LRP1B: variants seen among roughly 807,000 people sequenced by gnomAD.
The protein encoded by LRP1B is low-density lipoprotein receptor-related protein 1B.
A neutral mutation model predicts 556.6 loss-of-function variants in LRP1B; 217 were observed. That is an observed-to-expected ratio of 0.39 (90% confidence interval 0.35 to 0.44). LRP1B has a LOEUF of 0.44. Ranked by LOEUF, LRP1B falls within the 20% of genes least tolerant of loss-of-function variation. The probability of loss-of-function intolerance (pLI) is 1.00; values close to 1 mark genes in which losing one functional copy is unlikely to be tolerated. For missense variants in LRP1B, 5,053 were observed against 5,620.8 expected (o/e 0.90, Z 3.23); for synonymous variants, 2,047 against 1,865.8 (o/e 1.10, Z -2.50).
chr2:141,929,661 G>T (rs1214203767), intron 1 of LRP1B, among the ~76,000 whole-genome samples: 1 of 151,908 alleles, frequency 6.6e-6, no homozygotes, highest in Admixed American at 6.6e-5. Flanking sequence ...GAAGTAAAAT[G>T]CTATAAACTA....
At chr2:140,753,144 G>A (rs1688639815) in intron 35 of LRP1B, among the ~76,000 whole-genome samples, 1 of 152,044 alleles carries the variant, frequency 6.6e-6, no homozygotes, top group South Asian at 2.1e-4. Context: ...CTATGATTTT[G>A]CAATAGTGTG....
chr2:141,137,638 G>A, intron 7 of LRP1B, among the ~76,000 whole-genome samples: 1 of 151,786 alleles, frequency 6.6e-6, no homozygotes, highest in East Asian at 1.9e-4. Context: ...TTGCAATAAA[G>A]CTGAGGGAAA....
intron 35 of LRP1B, among the ~76,000 whole-genome samples, chr2:140,744,000 T>TAAAAAAAAAAAAAAAAAAAAAAAAAA (rs1559090792): frequency 2.2e-5 from 1 of 46,144 alleles, no homozygotes; most frequent in African/African-American, 7.8e-5. Flanking sequence ...AAGTAAAAAG[T>TAAAAAAAAAAAAAAAAAAAAAAAAAA]AAAATCCATA....
At chr2:141,537,895 C>T (rs1403186724) in intron 2 of LRP1B, among the ~76,000 whole-genome samples, 1 of 152,070 alleles carries the variant, frequency 6.6e-6, no homozygotes, top group African/African-American at 2.4e-5. Flanking sequence ...CATAACAATC[C>T]TCTTGTGGAA....
chr2:140,248,997 TATTG>T (rs1272046203), intron 86 of LRP1B, among the ~76,000 whole-genome samples: 1 of 151,208 alleles, frequency 6.6e-6, no homozygotes, highest in Non-Finnish European at 1.5e-5. Context: ...TATTTTGAAT[TATTG>T]ATTAAAATAT....
chr2:141,140,667 C>A (rs1701627807), intron 7 of LRP1B, among the ~76,000 whole-genome samples: 1 of 152,114 alleles, frequency 6.6e-6, no homozygotes, highest in Non-Finnish European at 1.5e-5. Flanking sequence ...TTAGGGGAAA[C>A]CAAACCTGCT....
rs192077948 is a variant in LRP1B at position 140,245,600 on chromosome 2, A to G, written c.13324+1486T>C. ...TTGATAACTTCAAATGCATTTTTTT[A>G]TTAATGCTTTTAACGATTGTTGAGT... On this transcript the variant is annotated intron_variant, in intron 87 of 90. Transcript: ENST00000389484. Among the ~76,000 whole-genome samples, 14 of 151,580 alleles carry G rather than the reference A, an allele frequency of 9.2e-5. No individual in the cohort carries two copies. The East Asian group carries it at 2.7e-3, about 29-fold the overall frequency.
At chr2:140,280,729 C>A (rs1166345937) in intron 84 of LRP1B, among the ~76,000 whole-genome samples, 1 of 151,744 alleles carries the variant, frequency 6.6e-6, no homozygotes, top group Non-Finnish European at 1.5e-5. Flanking sequence ...TGTCTTCCTT[C>A]CTATTGAGCA....
At chr2:141,529,065 A>G (rs1221843369) in intron 2 of LRP1B, among the ~76,000 whole-genome samples, 2 of 152,180 alleles carry the variant, frequency 1.3e-5, no homozygotes, top group Non-Finnish European at 2.9e-5. Flanking sequence ...AGTGTCCGAC[A>G]CTTTTTACCT....
At chr2:142,079,758 C>T (rs2104928462) in intron 1 of LRP1B, among the ~76,000 whole-genome samples, 1 of 152,270 alleles carries the variant, frequency 6.6e-6, no homozygotes, top group African/African-American at 2.4e-5. Flanking sequence ...AATCCACTCA[C>T]CTTGGCCTCC....
intron 3 of LRP1B, among the ~76,000 whole-genome samples, chr2:141,315,426 A>AT (rs1467752057): frequency 1.3e-5 from 2 of 151,174 alleles, no homozygotes; most frequent in African/African-American, 4.9e-5. Context: ...TGCCTGGCTA[A>AT]TTTTTTGTAT....
chr2:140,271,039 C>T (rs537327885), intron 85 of LRP1B, among the ~76,000 whole-genome samples: 4 of 151,998 alleles, frequency 2.6e-5, no homozygotes, highest in East Asian at 1.9e-4. Context: ...AAGTTAAAGT[C>T]GCATCACAGG....
Position 140,601,596 on chromosome 2 carries a change from A to G in LRP1B, c.6843T>C (p.Asp2281=), listed in dbSNP as rs1309515319. ...VEGLAYHRAW[D]TLYWTSSTTS... ...TGGTAGAGCTTGTCCAGTACAGTGT[A>G]TCCCAGGCTCTGTGATAGGCAAGTC... Residue 2281 remains aspartate, a synonymous_variant, in exon 42 of 91, where the codon GAT becomes GAC. Coordinates refer to ENST00000389484, the MANE Select transcript of LRP1B (RefSeq NM_018557.3). The G allele has an allele frequency of 3.1e-6, 5 of 1,609,058 alleles. No homozygotes were observed. Among genetic ancestry groups the G allele is most frequent in the Middle Eastern group, 3.3e-4 (2 of 6,016 alleles).
intron 25 of LRP1B, among the ~76,000 whole-genome samples, chr2:140,875,137 C>T (rs993834948): frequency 6.6e-6 from 1 of 151,982 alleles, no homozygotes; most frequent in African/African-American, 2.4e-5. Flanking sequence ...TTCCTGAAAC[C>T]CAGGGACAGA....
Position 141,623,455 on chromosome 2 carries a change from G to C in LRP1B, c.206-142922C>G, listed in dbSNP as rs557426833. On this transcript the variant is annotated intron_variant, in intron 2 of 90. Coordinates refer to ENST00000389484, the MANE Select transcript of LRP1B (RefSeq NM_018557.3). Reference sequence around the variant, plus strand: ...TTCTTATGAAATAATTTACACCTTTGTCTTTTTCTCATTTCTTAAACGCTG... The same window carrying C: ...TTCTTATGAAATAATTTACACCTTTCTCTTTTTCTCATTTCTTAAACGCTG... 2.0e-5 allele frequency among the ~76,000 whole-genome samples: 3 copies of C among 152,226 alleles called. No individual in the cohort carries two copies. In the South Asian group the frequency reaches 6.2e-4, roughly 32 times the overall value.
intron 2 of LRP1B, among the ~76,000 whole-genome samples, chr2:141,808,380 T>C (rs1203571191): frequency 6.6e-6 from 1 of 152,066 alleles, no homozygotes; most frequent in Non-Finnish European, 1.5e-5. Context: ...TCTTTCCTTG[T>C]AGCTAAAGAG....
intron 3 of LRP1B, among the ~76,000 whole-genome samples, chr2:141,256,862 G>A (rs1558964215): frequency 6.6e-6 from 1 of 151,804 alleles, no homozygotes; most frequent in South Asian, 2.1e-4. Flanking sequence ...GCATAAAGTC[G>A]GTCATTGAAA....
chr2:140,397,260 G>T (rs2105220949), intron 66 of LRP1B, among the ~76,000 whole-genome samples: 1 of 152,164 alleles, frequency 6.6e-6, no homozygotes, highest in Admixed American at 6.6e-5. Flanking sequence ...TGCCATTGTG[G>T]TTTGCTGCAC....
chr2:140,614,095 T>C (rs1438929598), intron 41 of LRP1B, among the ~76,000 whole-genome samples: 3 of 152,184 alleles, frequency 2.0e-5, no homozygotes, highest in African/African-American at 7.2e-5. Flanking sequence ...AAATTATTTA[T>C]ATTTTTTTAC....
Sources: allele counts gnomAD v4.1 joint callset (sites outside exome capture counted in the v4.1 genomes callset), GRCh38; gene constraint gnomAD v4.1.1; transcripts MANE v1.5; gene names NCBI Gene and HGNC (gene_info 2026-07-23, HGNC 2026-07-21).